Variants in ARHGAP6 observed in about 807,000 individuals in gnomAD.
ARHGAP6 encodes the protein rho GTPase-activating protein 6.
In ARHGAP6, 16 loss-of-function variants were observed where a neutral mutation model predicts 55.7. The observed-to-expected ratio is 0.29, with a 90% confidence interval of 0.19 to 0.44. The LOEUF (loss-of-function observed/expected upper bound fraction) is 0.44, where lower values mean the gene tolerates loss of function less well. Ranked by LOEUF, ARHGAP6 falls within the 20% of genes least tolerant of loss-of-function variation. ARHGAP6 has a pLI of 1.00. For missense variants in ARHGAP6, 698 were observed against 808.9 expected (o/e 0.86, Z 1.66); for synonymous variants, 382 against 360.9 (o/e 1.06, Z -0.66).
intron 1 of ARHGAP6, among the ~76,000 whole-genome samples, chrX:11,585,273 C>T (rs748259443): frequency 8.9e-6 from 1 of 112,126 alleles, no homozygotes; most frequent in South Asian, 3.7e-4. Context: ...ATAAAACAAT[C>T]TGTATTCCTT....
intron 1 of ARHGAP6, among the ~76,000 whole-genome samples, chrX:11,553,624 G>A (rs1462723237): frequency 1.8e-5 from 2 of 111,886 alleles, no homozygotes; most frequent in Non-Finnish European, 3.8e-5. Context: ...GAAAAGCAGA[G>A]CATTTTTACT....
intron 1 of ARHGAP6, among the ~76,000 whole-genome samples, chrX:11,461,454 G>A (rs2050244016): frequency 8.9e-6 from 1 of 111,767 alleles, no homozygotes; most frequent in African/African-American, 3.3e-5. Flanking sequence ...TCTTAGACTC[G>A]TAGCCACACA....
intron 9 of ARHGAP6, among the ~76,000 whole-genome samples, chrX:11,162,498 C>T (rs1473812686): frequency 9.0e-6 from 1 of 111,301 alleles, no homozygotes; most frequent in East Asian, 2.8e-4. Flanking sequence ...GTCTTACCTG[C>T]ACTTCTATGA....
At chrX:11,218,593 G>A (rs1345655392) in intron 2 of ARHGAP6, among the ~76,000 whole-genome samples, 1 of 111,092 alleles carries the variant, frequency 9.0e-6, no homozygotes, top group Non-Finnish European at 1.9e-5. Context: ...GCCTGATCCT[G>A]GGATTTTTTT....
chrX:11,196,549 A>T (rs955544062), intron 3 of ARHGAP6, among the ~76,000 whole-genome samples: 81 of 111,770 alleles, frequency 7.2e-4, no homozygotes, highest in African/African-American at 2.5e-3. Flanking sequence ...TAGTGGTGGT[A>T]GGTGAATTCA....
At chrX:11,396,614 C>T (rs891453818) in intron 1 of ARHGAP6, among the ~76,000 whole-genome samples, 2 of 111,763 alleles carry the variant, frequency 1.8e-5, no homozygotes, top group African/African-American at 6.5e-5. Context: ...CCAATTCTGA[C>T]AGTACTTAGA....
intron 1 of ARHGAP6, among the ~76,000 whole-genome samples, chrX:11,516,215 A>G (rs2147871763): frequency 8.9e-6 from 1 of 112,498 alleles, no homozygotes; most frequent in Non-Finnish European, 1.9e-5. Context: ...TTTCATTCAA[A>G]TGTTTTCTCT....
intron 1 of ARHGAP6, among the ~76,000 whole-genome samples, chrX:11,451,221 C>T (rs1321208132): frequency 8.9e-6 from 1 of 112,036 alleles, no homozygotes; most frequent in Non-Finnish European, 1.9e-5. Context: ...GACGCAGGGG[C>T]AAACACCAAG....
At chrX:11,341,391 G>A (rs963986648) in intron 1 of ARHGAP6, among the ~76,000 whole-genome samples, 7 of 110,902 alleles carry the variant, frequency 6.3e-5, no homozygotes, top group South Asian at 3.8e-4. Context: ...TCAGTTTAAA[G>A]AAAGGAAACC....
intron 1 of ARHGAP6, among the ~76,000 whole-genome samples, chrX:11,545,962 G>A (rs1032836671): frequency 4.5e-5 from 5 of 110,724 alleles, no homozygotes; most frequent in African/African-American, 1.3e-4. Flanking sequence ...GAACGGAGCC[G>A]CTGTGATTTG....
chrX:11,589,251 A>G (rs2051775048), intron 1 of ARHGAP6, among the ~76,000 whole-genome samples: 1 of 107,916 alleles, frequency 9.3e-6, no homozygotes, highest in Admixed American at 1.0e-4. Flanking sequence ...CATCTTGGCC[A>G]GGCTGGTCTC....
intron 1 of ARHGAP6, among the ~76,000 whole-genome samples, chrX:11,620,106 C>A (rs1488278117): frequency 8.9e-6 from 1 of 111,953 alleles, no homozygotes; most frequent in East Asian, 2.8e-4. Flanking sequence ...TCAAAAATAT[C>A]TAATTTTTAT....
At chrX:11,411,570 T>C (rs1166076010) in intron 1 of ARHGAP6, among the ~76,000 whole-genome samples, 2 of 110,095 alleles carry the variant, frequency 1.8e-5, no homozygotes, top group Non-Finnish European at 3.8e-5. Context: ...TTCAGTGGGA[T>C]GTTTATGTCT....
chrX:11,191,064 C>T (rs138271349), intron 3 of ARHGAP6, among the ~76,000 whole-genome samples: 3,099 of 112,728 alleles, frequency 0.027, 38 homozygotes, highest in Non-Finnish European at 0.043. Flanking sequence ...TGGTGTACTG[C>T]ACTCAAGAGC....
intron 1 of ARHGAP6, among the ~76,000 whole-genome samples, chrX:11,294,597 C>T (rs1166351197): frequency 8.9e-6 from 1 of 112,095 alleles, no homozygotes; most frequent in Non-Finnish European, 1.9e-5. Context: ...ACTGTGACTC[C>T]AGAAACAATG....
chrX:11,339,623 TATA>T (rs1173447168), intron 1 of ARHGAP6, among the ~76,000 whole-genome samples: 2 of 110,830 alleles, frequency 1.8e-5, no homozygotes, highest in African/African-American at 6.6e-5. Flanking sequence ...TATATCAAAA[TATA>T]ATAATATATT....
At chrX:11,369,478 T>C (rs2049120172) in intron 1 of ARHGAP6, among the ~76,000 whole-genome samples, 1 of 110,957 alleles carries the variant, frequency 9.0e-6, no homozygotes. Flanking sequence ...TGCTTAGTGC[T>C]CAACAGGATA....
At chrX:11,333,724 T>A (rs901259604) in intron 1 of ARHGAP6, among the ~76,000 whole-genome samples, 1 of 112,329 alleles carries the variant, frequency 8.9e-6, no homozygotes, top group Non-Finnish European at 1.9e-5. Flanking sequence ...TCATTGGTTT[T>A]CATAAAACAC....
intron 1 of ARHGAP6, among the ~76,000 whole-genome samples, chrX:11,402,132 T>G (rs995264088): frequency 2.7e-5 from 3 of 111,391 alleles, no homozygotes; most frequent in Non-Finnish European, 5.7e-5. Context: ...GATACAAGAG[T>G]TGGGATTTGA....
Sources: gnomAD v4.1 joint callset for allele counts (sites outside exome capture counted in the v4.1 genomes callset) on GRCh38, gnomAD v4.1.1 for gene constraint, MANE v1.5 for transcripts, NCBI Gene and HGNC (gene_info 2026-07-23, HGNC 2026-07-21) for gene names.